FHIT: variants seen among roughly 807,000 people sequenced by gnomAD.
FHIT encodes bis(5'-adenosyl)-triphosphatase.
FHIT carries 19 observed loss-of-function variants against 17.9 expected under a neutral mutation model. The ratio of observed to expected loss-of-function variants is 1.06; its 90% CI spans 0.74 to 1.56. FHIT has a LOEUF of 1.56. FHIT is among the 40% of genes most tolerant of loss of function. The probability of loss-of-function intolerance (pLI) is 0.00; values close to 1 mark genes in which losing one functional copy is unlikely to be tolerated. For missense variants in FHIT, 248 were observed against 189.2 expected (o/e 1.31, Z -1.82); for synonymous variants, 81 against 69.7 (o/e 1.16, Z -0.81).
chr3:60,702,587 A>T (rs562900452), intron 4 of FHIT, among the ~76,000 whole-genome samples: 1 of 151,968 alleles, frequency 6.6e-6, no homozygotes, highest in Non-Finnish European at 1.5e-5. Flanking sequence ...ATTTTTATAT[A>T]TTTATTTTGT....
In FHIT at chr3:61,221,146, G is replaced by A. The variant is rs138701227; in HGVS notation, c.-212-20481C>T. On this transcript the variant is annotated intron_variant, in intron 1 of 9. Transcript: ENST00000492590. ...GGCTGGGTTGGTGCCCAGGCAATGG[G>A]TAAGCAGTAAATTGTGCCACCCCAA... Among the ~76,000 whole-genome samples the A allele has an allele frequency of 5.0e-3, 765 of 152,328 alleles. 8 individuals carry two copies. Among genetic ancestry groups the A allele is most frequent in the African/African-American group, 0.018 (734 of 41,562 alleles).
intron 3 of FHIT, among the ~76,000 whole-genome samples, chr3:60,995,844 T>A (rs1191524412): frequency 6.6e-6 from 1 of 152,154 alleles, no homozygotes; most frequent in East Asian, 1.9e-4. Context: ...ACTAAAAAAA[T>A]AAATACTAGT....
chr3:61,176,675 C>T (rs1367165266), intron 2 of FHIT, among the ~76,000 whole-genome samples: 2 of 152,196 alleles, frequency 1.3e-5, no homozygotes, highest in Non-Finnish European at 2.9e-5. Flanking sequence ...TTTCCAGATG[C>T]CATCTAACCA....
intron 3 of FHIT, among the ~76,000 whole-genome samples, chr3:60,961,688 C>G (rs1320081870): frequency 6.6e-6 from 1 of 152,146 alleles, no homozygotes; most frequent in Non-Finnish European, 1.5e-5. Context: ...AATAGGAAAT[C>G]CTTTCCCCAT....
chr3:60,876,935 C>T (rs1316070747), intron 3 of FHIT, among the ~76,000 whole-genome samples: 1 of 152,182 alleles, frequency 6.6e-6, no homozygotes, highest in Admixed American at 6.5e-5. Flanking sequence ...ACCCTATCCC[C>T]AGCTGAGATG....
At chr3:60,387,754 T>C (rs1251056300) in intron 5 of FHIT, among the ~76,000 whole-genome samples, 1 of 152,134 alleles carries the variant, frequency 6.6e-6, no homozygotes, top group Non-Finnish European at 1.5e-5. Flanking sequence ...TCTTCCACAA[T>C]CACATCTGAA....
chr3:60,551,153 A>G (rs991746504), intron 4 of FHIT, among the ~76,000 whole-genome samples: 26 of 152,008 alleles, frequency 1.7e-4, no homozygotes, highest in Non-Finnish European at 3.5e-4. Flanking sequence ...GGTGGAGCCT[A>G]ACAGCAGGCA....
intron 3 of FHIT, among the ~76,000 whole-genome samples, chr3:60,997,363 TC>T (rs1439039806): frequency 6.6e-6 from 1 of 152,134 alleles, no homozygotes; most frequent in Non-Finnish European, 1.5e-5. Context: ...CTCTTTCTTT[TC>T]TTCTTTTTAG....
chr3:60,789,156 GTATA>G (rs782494801), intron 4 of FHIT, among the ~76,000 whole-genome samples: 35 of 131,106 alleles, frequency 2.7e-4, no homozygotes, highest in Admixed American at 5.0e-4. Context: ...GTGTGTGTGT[GTATA>G]TATATATATA....
At chr3:61,149,750 C>T (rs190075370) in intron 2 of FHIT, among the ~76,000 whole-genome samples, 12 of 151,992 alleles carry the variant, frequency 7.9e-5, no homozygotes, top group East Asian at 5.8e-4. Context: ...TGTGGTGGTG[C>T]GCACCTGTAG....
chr3:60,347,263 A>G (rs1710829147), intron 5 of FHIT, among the ~76,000 whole-genome samples: 1 of 152,204 alleles, frequency 6.6e-6, no homozygotes, highest in Non-Finnish European at 1.5e-5. Context: ...TTAGCAGTCC[A>G]ACCACAATAT....
intron 2 of FHIT, among the ~76,000 whole-genome samples, chr3:61,103,616 C>G (rs2035901869): frequency 6.6e-6 from 1 of 151,916 alleles, no homozygotes; most frequent in African/African-American, 2.4e-5. Context: ...CCTTGTTAAC[C>G]TTCCATCTCA....
intron 5 of FHIT, among the ~76,000 whole-genome samples, chr3:60,097,864 C>G (rs1338744729): frequency 4.3e-5 from 5 of 116,626 alleles, no homozygotes; most frequent in East Asian, 3.0e-4. Context: ...TCCCTCCCCC[C>G]GCCCCCCACC....
intron 5 of FHIT, among the ~76,000 whole-genome samples, chr3:60,213,149 A>C (rs947382236): frequency 6.6e-6 from 1 of 152,152 alleles, no homozygotes; most frequent in Non-Finnish European, 1.5e-5. Context: ...AAAGAGAATT[A>C]ATTGGCTTAT....
At chr3:61,097,870 T>C (rs2035691100) in intron 2 of FHIT, among the ~76,000 whole-genome samples, 1 of 152,224 alleles carries the variant, frequency 6.6e-6, no homozygotes, top group South Asian at 2.1e-4. Flanking sequence ...GATGCATAGT[T>C]TGCAAAAATT....
At chr3:60,037,446 A>C (rs1334998279) in intron 5 of FHIT, among the ~76,000 whole-genome samples, 3 of 150,476 alleles carry the variant, frequency 2.0e-5, no homozygotes, top group African/African-American at 4.9e-5. Flanking sequence ...GCAGTGGCGA[A>C]ATCTTGGCTC....
intron 1 of FHIT, among the ~76,000 whole-genome samples, chr3:61,202,012 A>G (rs935929793): frequency 6.6e-6 from 1 of 152,136 alleles, no homozygotes; most frequent in Non-Finnish European, 1.5e-5. Flanking sequence ...ACACATGTAC[A>G]AATATACATA....
chr3:60,281,225 T>C (rs1452534801), intron 5 of FHIT, among the ~76,000 whole-genome samples: 1 of 152,156 alleles, frequency 6.6e-6, no homozygotes, highest in Non-Finnish European at 1.5e-5. Context: ...ATATTCTGTG[T>C]TCATGGATAG....
chr3:60,173,915 A>ATATATATTTT, intron 5 of FHIT, among the ~76,000 whole-genome samples: 1 of 66,444 alleles, frequency 1.5e-5, no homozygotes. Context: ...ATATATATAT[A>ATATATATTTT]TGTTTTTTTT....
Sources: gnomAD v4.1 joint callset for allele counts (sites outside exome capture counted in the v4.1 genomes callset) on GRCh38, gnomAD v4.1.1 for gene constraint, MANE v1.5 for transcripts, NCBI Gene and HGNC (gene_info 2026-07-23, HGNC 2026-07-21) for gene names.